AP3B1: variants seen among roughly 807,000 people sequenced by gnomAD.
AP3B1 encodes AP-3 complex subunit beta-1.
In AP3B1, 61 loss-of-function variants were observed where a neutral mutation model predicts 132.5. That is an observed-to-expected ratio of 0.46 (90% CI 0.37 to 0.57). AP3B1 has a LOEUF of 0.57. Ranked by LOEUF, AP3B1 falls within the 20% of genes least tolerant of loss-of-function variation. The pLI is 0.00. For synonymous variants in AP3B1, 388 were observed against 438.3 expected, an observed-to-expected ratio of 0.89 and a Z score of 1.43; for missense variants, 1,120 against 1,289.4, an observed-to-expected ratio of 0.87 and a Z score of 2.01.
chr5:78,193,095 T>A (rs1354012808), intron 7 of AP3B1, among the ~76,000 whole-genome samples: 1 of 152,198 alleles, frequency 6.6e-6, no homozygotes, highest in Non-Finnish European at 1.5e-5. Flanking sequence ...TATTTTTATA[T>A]TGTGTTTAAA....
intron 11 of AP3B1, among the ~76,000 whole-genome samples, chr5:78,167,780 A>T (rs894708265): frequency 6.6e-6 from 1 of 152,114 alleles, no homozygotes; most frequent in Admixed American, 6.5e-5. Context: ...AAAACCAAAC[A>T]TCGTATGTTC....
intron 1 of AP3B1, among the ~76,000 whole-genome samples, chr5:78,279,907 A>AT (rs1748974907): frequency 3.5e-5 from 4 of 114,376 alleles, no homozygotes; most frequent in African/African-American, 9.5e-5. Context: ...ATATGACTTA[A>AT]ATATATATAT....
chr5:78,116,014 A>G, intron 18 of AP3B1, 112 bp downstream of exon 18: 1 of 795,570 alleles, frequency 1.3e-6, no homozygotes, highest in South Asian at 1.4e-5. Context: ...TTTTGATAAT[A>G]CAAACTTCAC....
intron 23 of AP3B1, 116 bp downstream of exon 23, chr5:78,038,927 C>G (rs1460180379): frequency 4.5e-6 from 3 of 664,882 alleles, no homozygotes; most frequent in Non-Finnish European, 7.6e-6. Context: ...TGCTAATTGT[C>G]AATACAATCA....
intron 7 of AP3B1, among the ~76,000 whole-genome samples, chr5:78,214,102 C>T (rs115240357): frequency 6.6e-6 from 1 of 152,106 alleles, no homozygotes; most frequent in Non-Finnish European, 1.5e-5. Flanking sequence ...CACAGCATTT[C>T]GAATAATTCC....
intron 22 of AP3B1, among the ~76,000 whole-genome samples, chr5:78,070,086 T>C (rs970470554): frequency 5.3e-5 from 8 of 152,112 alleles, no homozygotes; most frequent in African/African-American, 1.9e-4. Context: ...TTACACCTTA[T>C]ACAAAAATTA....
chr5:78,172,920 A>G (rs920993770), intron 11 of AP3B1, among the ~76,000 whole-genome samples: 2 of 152,188 alleles, frequency 1.3e-5, no homozygotes, highest in African/African-American at 2.4e-5. Context: ...TTCCCTCTAC[A>G]CACTGCTTTA....
At chr5:78,109,503 T>C (rs1395139039) in intron 20 of AP3B1, among the ~76,000 whole-genome samples, 3 of 152,158 alleles carry the variant, frequency 2.0e-5, no homozygotes, top group Admixed American at 2.0e-4. Context: ...ATAAAAATAC[T>C]ATACTTGAAG....
At chr5:78,099,294 A>G (rs78387910) in intron 21 of AP3B1, among the ~76,000 whole-genome samples, 5,325 of 152,272 alleles carry the variant, frequency 0.035, 310 homozygotes, top group African/African-American at 0.12. Context: ...ACAGTGTGTA[A>G]GAGTAGGTGA....
At chr5:78,136,994 A>G (rs766279236) in intron 15 of AP3B1, among the ~76,000 whole-genome samples, 3 of 152,140 alleles carry the variant, frequency 2.0e-5, no homozygotes, top group Non-Finnish European at 4.4e-5. Flanking sequence ...CAGGCAGTCT[A>G]TTTACCATAT....
rs778226822 is a variant in AP3B1 at position 78,181,520 on chromosome 5, C to G, written c.929G>C (p.Ser310Thr). 15 of 1,612,752 alleles carry G rather than the reference C, an allele frequency of 9.3e-6. No individual in the cohort carries two copies. The highest frequency in any genetic ancestry group is 1.1e-5 in the Non-Finnish European group (13 of 1,179,544). The change falls in exon 8 of 27, where the codon AGC (serine) becomes ACC (threonine). Residue 310 changes from serine (S) to threonine (T), a missense_variant. Ser to Thr is a moderately conservative substitution (Grantham distance 58, BLOSUM62 1). Coordinates refer to ENST00000255194, the MANE Select transcript of AP3B1 (RefSeq NM_003664.5). ...ATTTTAACATACCGCAGCATTCCTGCTCTGAAGCAAAGGCTTTGTATTTCT... is the reference window on the plus strand; with the variant it reads ...ATTTTAACATACCGCAGCATTCCTGGTCTGAAGCAAAGGCTTTGTATTTCT... ...LIRNTKPLLQ[S>T]RNAAVVMAVA...
intron 24 of AP3B1, among the ~76,000 whole-genome samples, chr5:78,029,386 T>TAC (rs58115394): frequency 0.041 from 6,124 of 150,992 alleles, 421 homozygotes; most frequent in African/African-American, 0.14. Flanking sequence ...GATAAATGCA[T>TAC]ACACACACAC....
chr5:78,179,629 C>T (rs1744285534), intron 8 of AP3B1, among the ~76,000 whole-genome samples: 1 of 152,142 alleles, frequency 6.6e-6, no homozygotes, highest in Non-Finnish European at 1.5e-5. Context: ...CTACTCTTAA[C>T]CATTCATGCC....
chr5:78,184,580 C>T lies in AP3B1; in HGVS notation c.787-2918G>A, dbSNP rs561737209. 7.3e-5 allele frequency among the ~76,000 whole-genome samples: 11 copies of T among 151,312 alleles called. No homozygotes were observed. In the South Asian group the frequency reaches 1.5e-3, roughly 20 times the overall value. On this transcript the variant is annotated intron_variant, in intron 7 of 26. Coordinates refer to ENST00000255194, the MANE Select transcript of AP3B1 (RefSeq NM_003664.5). ...GTGGGTGCCTGTAGTCCCAGCTACT[C>T]GGGAGGCTGAGGCAGGAGAATGGCG...
intron 1 of AP3B1, among the ~76,000 whole-genome samples, chr5:78,269,195 CTT>C (rs1431087261): frequency 7.0e-6 from 1 of 141,942 alleles, no homozygotes; most frequent in African/African-American, 2.4e-5. Context: ...TTCCTCAACT[CTT>C]TGCTGAAAAC....
intron 2 of AP3B1, among the ~76,000 whole-genome samples, chr5:78,258,003 AT>A (rs1468678473): frequency 6.6e-6 from 1 of 152,254 alleles, no homozygotes; most frequent in East Asian, 1.9e-4. Flanking sequence ...ATATACAAAT[AT>A]AAAATCAAAA....
At chr5:78,287,750 T>TAAAAAAAAAAAAA (rs58180674) in intron 1 of AP3B1, among the ~76,000 whole-genome samples, 1 of 131,752 alleles carries the variant, frequency 7.6e-6, no homozygotes, top group Non-Finnish European at 1.6e-5. Context: ...GTACCCCTTG[T>TAAAAAAAAAAAAA]AAAAAAAAAA....
In AP3B1 at chr5:78,227,373, T is replaced by C; in HGVS notation, c.535A>G (p.Ser179Gly). Residue 179 changes from serine to glycine, a missense_variant and splice_region_variant, in exon 5 of 27, where the codon AGC (serine) becomes GGC (glycine). This residue lies in a region of AP3B1 where 129 missense variants were observed against 212.4 expected (regional missense o/e 0.61). Transcript: ENST00000255194. ...NAAHAIQKLY[S>G]LDPEQKEMLI... ...GTATATTGTTAACAATGCACCTACC[T>C]GTATAATTTTTGTATTGCATGGGCT... 6.2e-7 allele frequency: 1 copy of C among 1,613,076 alleles called. No homozygotes were observed. The highest frequency in any genetic ancestry group is 8.5e-7 in the Non-Finnish European group (1 of 1,179,306).
rs541185328 is a variant in AP3B1, at chr5:78,038,125, T to A, written c.2809+918A>T. Among the ~76,000 whole-genome samples, 190 of 152,254 alleles carry A rather than the reference T, an allele frequency of 1.2e-3. 1 individual carries two copies. Among genetic ancestry groups the A allele is most frequent in the African/African-American group, 4.5e-3 (186 of 41,550 alleles). On this transcript the variant is annotated intron_variant, in intron 23 of 26. Coordinates refer to ENST00000255194, the MANE Select transcript of AP3B1 (RefSeq NM_003664.5). ...GGGCAGCCGCTGCTCAGCAACCCACTCATTGGTTGCTGCATGTGGGGATAA... is the reference window on the plus strand; with the variant it reads ...GGGCAGCCGCTGCTCAGCAACCCACACATTGGTTGCTGCATGTGGGGATAA...
Sources: allele counts gnomAD v4.1 joint callset (sites outside exome capture counted in the v4.1 genomes callset), GRCh38; gene constraint gnomAD v4.1.1; regional missense constraint gnomAD v4.1.1; transcripts MANE v1.5; gene names NCBI Gene and HGNC (gene_info 2026-07-23, HGNC 2026-07-21).